Variants in GRID2 observed in about 807,000 individuals in gnomAD.
GRID2 encodes glutamate receptor ionotropic, delta-2.
Under a neutral mutation model 114.8 loss-of-function variants are expected in GRID2, and 33 were observed. The observed-to-expected ratio is 0.29, with a 90% CI of 0.22 to 0.38. GRID2 has a LOEUF of 0.38. Ranked by LOEUF, GRID2 falls within the 10% of genes least tolerant of loss-of-function variation. GRID2 has a pLI of 1.00. For synonymous variants in GRID2, 505 were observed against 449.9 expected (o/e 1.12, Z -1.55); for missense variants, 1,184 against 1,257.7 (o/e 0.94, Z 0.89).
intron 2 of GRID2, among the ~76,000 whole-genome samples, chr4:93,071,340 A>G (rs1316524194): frequency 1.3e-5 from 2 of 152,132 alleles, no homozygotes; most frequent in African/African-American, 2.4e-5. Flanking sequence ...CGACATGTTC[A>G]TTAGGTGCCT....
chr4:93,490,124 T>G (rs2149458956), intron 11 of GRID2, among the ~76,000 whole-genome samples: 1 of 151,926 alleles, frequency 6.6e-6, no homozygotes, highest in South Asian at 2.1e-4. Flanking sequence ...GAGTAGGAAG[T>G]CAATTAAAAG....
At chr4:92,388,447 C>A (rs1730083365) in intron 1 of GRID2, among the ~76,000 whole-genome samples, 1 of 151,940 alleles carries the variant, frequency 6.6e-6, no homozygotes, top group South Asian at 2.1e-4. Context: ...CTACACCTTG[C>A]CATGACTAGA....
chr4:92,750,226 C>T (rs1158432397), intron 2 of GRID2, among the ~76,000 whole-genome samples: 3 of 152,088 alleles, frequency 2.0e-5, no homozygotes, highest in Non-Finnish European at 2.9e-5. Flanking sequence ...CACCACTTCC[C>T]CTTGGGAACT....
chr4:92,357,241 A>G (rs1259609826), intron 1 of GRID2, among the ~76,000 whole-genome samples: 2 of 151,906 alleles, frequency 1.3e-5, no homozygotes, highest in Non-Finnish European at 2.9e-5. Flanking sequence ...TATTTGCTGC[A>G]ATTTTAATTC....
intron 2 of GRID2, among the ~76,000 whole-genome samples, chr4:92,601,821 A>G (rs1470540181): frequency 2.0e-5 from 3 of 152,118 alleles, no homozygotes; most frequent in Non-Finnish European, 4.4e-5. Flanking sequence ...GAAAAATGAT[A>G]AAAAAGATAC....
intron 14 of GRID2, among the ~76,000 whole-genome samples, chr4:93,644,538 A>C (rs998987103): frequency 1.3e-5 from 2 of 152,100 alleles, no homozygotes; most frequent in African/African-American, 4.8e-5. Flanking sequence ...TTTTCCATTA[A>C]TGAACCAAGA....
chr4:92,699,646 T>C (rs999757652), intron 2 of GRID2, among the ~76,000 whole-genome samples: 1 of 152,180 alleles, frequency 6.6e-6, no homozygotes, highest in Non-Finnish European at 1.5e-5. Context: ...CTGAATAACA[T>C]GAGCACAAAA....
intron 13 of GRID2, among the ~76,000 whole-genome samples, chr4:93,594,299 T>A (rs1194392153): frequency 1.3e-5 from 2 of 152,132 alleles, no homozygotes; most frequent in East Asian, 1.9e-4. Context: ...GCAGGTCTGT[T>A]GGAGTACCCT....
intron 1 of GRID2, among the ~76,000 whole-genome samples, chr4:92,390,633 T>C (rs1210884665): frequency 6.6e-6 from 1 of 152,198 alleles, no homozygotes; most frequent in Non-Finnish European, 1.5e-5. Flanking sequence ...TTTAATATAA[T>C]TGAAAGGCTA....
chr4:93,422,846 T>C lies in GRID2; in HGVS notation c.1423T>C (p.Leu475=), dbSNP rs766505011. ...ATACCAGGGCTTCTCCATTGATGTT[T>C]TGGATGCCTTATCTAACTACCTGGG... ...KKYQGFSIDV[L]DALSNYLGFN... Residue 475 remains leucine (L), a synonymous_variant, in exon 10 of 16, where the codon TTG becomes CTG. Transcript: ENST00000282020. The C allele has an allele frequency of 3.7e-6, 6 of 1,613,204 alleles. No individual in the cohort carries two copies. Among genetic ancestry groups the C allele is most frequent in the Non-Finnish European group, 1.7e-6 (2 of 1,179,266 alleles).
At chr4:93,130,512 T>G (rs781543792) in intron 4 of GRID2, among the ~76,000 whole-genome samples, 6 of 151,982 alleles carry the variant, frequency 3.9e-5, no homozygotes, top group Non-Finnish European at 7.4e-5. Context: ...AAAGAGAAAA[T>G]TTCAGATAAT....
chr4:93,608,641 T>A lies in GRID2; in HGVS notation c.2194-17628T>A, dbSNP rs998424528. On this transcript the variant is annotated intron_variant, in intron 13 of 15. Transcript: ENST00000282020. ...CCATGTCCCTACAAAGGACATGAAC[T>A]CATCATTTTTTATGGCTGCATAGTA... 1.4e-5 allele frequency among the ~76,000 whole-genome samples: 2 copies of A among 139,448 alleles called. 1 individual carries two copies. Among genetic ancestry groups the A allele is most frequent in the Non-Finnish European group, 3.2e-5 (2 of 62,438 alleles). The allele number at this position is 139,448 out of a possible 152,430, so 91.5% of individuals were successfully genotyped here. A position where few individuals can be genotyped will look rare whatever the true frequency, so the allele number is the denominator to read the frequency against.
intron 10 of GRID2, among the ~76,000 whole-genome samples, chr4:93,451,710 A>G (rs190716077): frequency 5.9e-5 from 9 of 152,242 alleles, no homozygotes; most frequent in African/African-American, 2.2e-4. Flanking sequence ...GGAGCCTAGG[A>G]AAACAATGAA....
In GRID2 at chr4:92,330,026, A is replaced by AGAGAGAGAGAGAGAGAG. The variant is rs1553924493; in HGVS notation, c.88+25282_88+25283insGAGAGAGAGAGAGAGAG. Among the ~76,000 whole-genome samples, 39 of 150,558 alleles carry AGAGAGAGAGAGAGAGAG rather than the reference A, an allele frequency of 2.6e-4. No homozygotes were observed. The East Asian group carries it at 2.7e-3, about 11-fold the overall frequency. ...GAGAGAGAGAGAGAGAGAGAGAGAG[A>AGAGAGAGAGAGAGAGAG]AACATGCTAGACATTTTGAAGAACC... On this transcript the variant is annotated intron_variant, in intron 1 of 15. Transcript: ENST00000282020.
intron 1 of GRID2, among the ~76,000 whole-genome samples, chr4:92,517,404 AGT>A (rs1174511783): frequency 4.6e-5 from 7 of 151,952 alleles, no homozygotes; most frequent in Non-Finnish European, 1.0e-4. Context: ...CAAAAATGAA[AGT>A]GTTCATACCT....
At chr4:92,912,040 A>C (rs1748423416) in intron 2 of GRID2, among the ~76,000 whole-genome samples, 1 of 151,850 alleles carries the variant, frequency 6.6e-6, no homozygotes, top group Non-Finnish European at 1.5e-5. Flanking sequence ...TTTTTTCATA[A>C]ATAATAGAAG....
intron 2 of GRID2, among the ~76,000 whole-genome samples, chr4:92,964,043 C>T (rs1752982982): frequency 6.6e-6 from 1 of 151,996 alleles, no homozygotes; most frequent in Non-Finnish European, 1.5e-5. Flanking sequence ...TTAAAATATT[C>T]AGGAAACCAT....
chr4:92,532,989 G>T (rs1725424348), intron 1 of GRID2, among the ~76,000 whole-genome samples: 1 of 152,018 alleles, frequency 6.6e-6, no homozygotes, highest in Admixed American at 6.6e-5. Context: ...TGGGAGGCTT[G>T]CTTGAGCTCA....
intron 1 of GRID2, among the ~76,000 whole-genome samples, chr4:92,373,386 A>T (rs1729205908): frequency 6.6e-6 from 1 of 152,172 alleles, no homozygotes; most frequent in African/African-American, 2.4e-5. Context: ...GTGTTCTATG[A>T]AATTATCTGT....
Sources: gnomAD v4.1 joint callset for allele counts (sites outside exome capture counted in the v4.1 genomes callset) on GRCh38, gnomAD v4.1.1 for gene constraint, MANE v1.5 for transcripts, NCBI Gene and HGNC (gene_info 2026-07-23, HGNC 2026-07-21) for gene names.